APLP2: variants seen among roughly 807,000 people sequenced by gnomAD.
APLP2 encodes amyloid beta precursor like protein 2.
In APLP2, 53 loss-of-function variants were observed where a neutral mutation model predicts 89.9. The observed-to-expected ratio is 0.59, with a 90% CI of 0.47 to 0.74. The LOEUF (loss-of-function observed/expected upper bound fraction) is 0.74, where lower values mean the gene tolerates loss of function less well. APLP2 is among the 30% of genes least tolerant of loss of function. APLP2 has a pLI of 0.00. For missense variants in APLP2, 973 were observed against 975.9 expected, an observed-to-expected ratio of 1.00 and a Z score of 0.04; for synonymous variants, 372 against 348.6, an observed-to-expected ratio of 1.07 and a Z score of -0.75.
chr11:130,131,161 C>T (rs1950901536), intron 11 of APLP2, among the ~76,000 whole-genome samples: 1 of 152,206 alleles, frequency 6.6e-6, no homozygotes, highest in African/African-American at 2.4e-5. Context: ...TGCAATGGCA[C>T]CATCTCAGCT....
intron 8 of APLP2, 98 bp downstream of exon 8, chr11:130,126,928 T>C: frequency 6.5e-7 from 1 of 1,542,532 alleles, no homozygotes; most frequent in Non-Finnish European, 8.9e-7. Context: ...TAGATTGTCA[T>C]GCTGATGTAT....
intron 1 of APLP2, among the ~76,000 whole-genome samples, chr11:130,071,383 A>G (rs183910332): frequency 1.8e-4 from 27 of 152,372 alleles, no homozygotes; most frequent in Admixed American, 1.5e-3. Flanking sequence ...TTAAAGAGAA[A>G]TAGTTAACGT....
intron 1 of APLP2, among the ~76,000 whole-genome samples, chr11:130,107,136 A>G (rs1640334846): frequency 6.6e-6 from 1 of 152,206 alleles, no homozygotes; most frequent in African/African-American, 2.4e-5. Context: ...CTTATATCCT[A>G]AACACTTAGC....
intron 1 of APLP2, among the ~76,000 whole-genome samples, chr11:130,099,007 C>T (rs1279579311): frequency 6.6e-6 from 1 of 152,152 alleles, no homozygotes; most frequent in Admixed American, 6.5e-5. Context: ...TACATCCCCC[C>T]ACCCCTGCTC....
In APLP2 at chr11:130,123,500, G is replaced by A. The variant is rs182978294; in HGVS notation, c.923-112G>A. ...TTCGGCCACCGGGCCTCCAGGCTCC[G>A]TCCAGTCTCAGGCCTCCCCCAGCCC... On this transcript the variant is annotated intron_variant, in intron 6 of 16. Transcript: ENST00000338167. The surrounding 1 kb of genome is among the most constrained non-coding windows in gnomAD (Gnocchi z 4.0). 2,120 of 1,204,862 alleles carry A rather than the reference G, an allele frequency of 1.8e-3. 64 individuals are homozygous for A. The Admixed American group carries it at 0.052, about 29-fold the overall frequency. 74.6% of individuals were successfully genotyped at this position (1,204,862 alleles called of 1,614,324 possible). A position where few individuals can be genotyped will look rare whatever the true frequency, so the allele number is the denominator to read the frequency against.
intron 1 of APLP2, among the ~76,000 whole-genome samples, chr11:130,097,729 C>T (rs1339404057): frequency 2.0e-5 from 3 of 152,060 alleles, no homozygotes; most frequent in Admixed American, 6.6e-5. Context: ...CTGTGATTTC[C>T]AGTGTTTGGT....
chr11:130,100,510 T>G (rs531833334), intron 1 of APLP2: 1 of 152,242 alleles, frequency 6.6e-6, no homozygotes, highest in South Asian at 2.1e-4. Context: ...TTCCCTTAGC[T>G]CTCATGTCAG....
At chr11:130,074,520 A>C (rs1429285773) in intron 1 of APLP2, among the ~76,000 whole-genome samples, 2 of 152,158 alleles carry the variant, frequency 1.3e-5, no homozygotes, top group Non-Finnish European at 2.9e-5. Flanking sequence ...GGCCCCTTTC[A>C]AGATTGTTTA....
intron 14 of APLP2, 87 bp downstream of exon 14, chr11:130,140,570 A>T (rs779632086): frequency 1.4e-5 from 16 of 1,132,124 alleles, no homozygotes; most frequent in Non-Finnish European, 1.9e-5. Context: ...TTCCAGGTGC[A>T]CGTCTCTGTG....
At chr11:130,120,140 T>A (rs1949656551) in intron 3 of APLP2, among the ~76,000 whole-genome samples, 1 of 152,236 alleles carries the variant, frequency 6.6e-6, no homozygotes, top group Admixed American at 6.5e-5. Flanking sequence ...ACACACCAGT[T>A]TGCTCGTTAT....
intron 1 of APLP2, among the ~76,000 whole-genome samples, chr11:130,093,770 G>T (rs547314823): frequency 5.9e-5 from 9 of 152,070 alleles, no homozygotes; most frequent in African/African-American, 2.2e-4. Flanking sequence ...TTGAGACAGG[G>T]TCTCACTTTG....
At chr11:130,116,226 A>G (rs1389547710) in intron 3 of APLP2, among the ~76,000 whole-genome samples, 3 of 152,154 alleles carry the variant, frequency 2.0e-5, no homozygotes, top group African/African-American at 7.2e-5. Flanking sequence ...AAGGGGTTAG[A>G]GATACGCAGT....
intron 1 of APLP2, among the ~76,000 whole-genome samples, chr11:130,106,830 C>T (rs1047562724): frequency 1.3e-5 from 2 of 152,088 alleles, no homozygotes; most frequent in African/African-American, 2.4e-5. Context: ...CTGTGATTAC[C>T]GGCATCCGCC....
In APLP2 at chr11:130,135,546, T is replaced by A. The variant is rs755470330; in HGVS notation, c.1685-17T>A. On this transcript the variant is annotated splice_polypyrimidine_tract_variant and intron_variant, in intron 12 of 16. Transcript: ENST00000338167. The stretch of plus-strand genomic sequence containing the variant: ...CTTCTGAAGCCTGCTTTCTGTCCCC[T>A]GCCCTGTCTTCATCAGATGAGCTCC... 1 of 1,613,250 alleles carries A rather than the reference T, an allele frequency of 6.2e-7. No homozygotes were observed. Among genetic ancestry groups the A allele is most frequent in the South Asian group, 1.1e-5 (1 of 91,036 alleles).
chr11:130,075,008 T>C (rs111950417), intron 1 of APLP2, among the ~76,000 whole-genome samples: 9,061 of 152,292 alleles, frequency 0.059, 279 homozygotes, highest in Non-Finnish European at 0.073. Flanking sequence ...TAGTGTATTG[T>C]ACCTTGATTT....
At chr11:130,119,105 G>T (rs1949535606) in intron 3 of APLP2, among the ~76,000 whole-genome samples, 1 of 152,076 alleles carries the variant, frequency 6.6e-6, no homozygotes, top group South Asian at 2.1e-4. Flanking sequence ...AGGCTGGGTG[G>T]GTCTGTGTAG....
At chr11:130,134,756 G>A (rs1024827651) in intron 12 of APLP2, among the ~76,000 whole-genome samples, 1 of 152,188 alleles carries the variant, frequency 6.6e-6, no homozygotes, top group Non-Finnish European at 1.5e-5. Flanking sequence ...TGGTCTGTAG[G>A]ATGTGTTCTG....
intron 3 of APLP2, among the ~76,000 whole-genome samples, chr11:130,114,793 C>T (rs1361993453): frequency 6.6e-6 from 1 of 152,022 alleles, no homozygotes; most frequent in Admixed American, 6.6e-5. Flanking sequence ...AGTGTTATTG[C>T]GATATGAAAA....
chr11:130,108,134 C>A (rs1348298553), intron 1 of APLP2, among the ~76,000 whole-genome samples: 1 of 152,156 alleles, frequency 6.6e-6, no homozygotes, highest in Non-Finnish European at 1.5e-5. Flanking sequence ...CTAGGCAATA[C>A]CATTCAGGAC....
Sources: gnomAD v4.1 joint callset for allele counts (sites outside exome capture counted in the v4.1 genomes callset) on GRCh38, gnomAD v4.1.1 for gene constraint, Gnocchi (gnomAD v3.1) non-coding constraint, MANE v1.5 for transcripts, NCBI Gene and HGNC (gene_info 2026-07-23, HGNC 2026-07-21) for gene names.